The following NOTCH1 variants were observed in gnomAD, a reference collection of about 807,000 sequenced individuals.
The protein encoded by NOTCH1 is neurogenic locus notch homolog protein 1.
A neutral mutation model predicts 254.8 loss-of-function variants in NOTCH1; 37 were observed. The observed-to-expected ratio is 0.15, with a 90% CI of 0.11 to 0.19. NOTCH1 has a LOEUF of 0.19. Among genes scored for constraint, NOTCH1 ranks in the 10% least tolerant of loss-of-function variants. The pLI is 1.00. For missense variants in NOTCH1, 2,972 were observed against 3,708.6 expected, an observed-to-expected ratio of 0.80 and a Z score of 5.16; for synonymous variants, 1,731 against 1,618.1, an observed-to-expected ratio of 1.07 and a Z score of -1.68.
At chr9:136,529,083 C>T (rs1042337238) in intron 2 of NOTCH1, among the ~76,000 whole-genome samples, 25 of 152,198 alleles carry the variant, frequency 1.6e-4, no homozygotes, top group South Asian at 4.1e-4. Flanking sequence ...CAGATCCTGC[C>T]GTGCTCTGCT....
rs200816814 is a variant in NOTCH1, at chr9:136,513,527, C to T, written c.2218G>A (p.Asp740Asn). 3.2e-5 allele frequency: 51 copies of T among 1,612,922 alleles called. No individual in the cohort carries two copies. The Admixed American group carries it at 5.2e-4, about 16-fold the overall frequency. Residue 740 changes from aspartate (D) to asparagine (N), a missense_variant, in exon 14 of 34, where the codon GAC becomes AAC. Physicochemically the swap from Asp to Asn is conservative, Grantham distance 23. Around this residue, in one of 8 missense-constraint regions of NOTCH1, gnomAD observed 1,343 missense variants for 1,557.0 expected, o/e 0.86. Transcript: ENST00000651671. This position sits in a 1 kb window ranked among gnomAD's most constrained non-coding sequence, Gnocchi z 4.7. The part of the protein sequence containing the change: ...CRDSLNGYKC[D>N]CDPGWSGTNC... ...GTCCCACTCCACCCAGGGTCACAGT[C>T]GCACTTGTACCTGCAAGGGGGACCA...
chr9:136,528,147 G>A (rs1843498207), intron 2 of NOTCH1, among the ~76,000 whole-genome samples: 1 of 151,218 alleles, frequency 6.6e-6, no homozygotes, highest in South Asian at 2.1e-4. Context: ...CTCAGTGCGG[G>A]TAGGACTCAC....
At position 136,503,380 on chromosome 9, in the gene NOTCH1, C is replaced by G. The variant is rs373237685; in HGVS notation, c.5019-50G>C. 9 of 1,610,840 alleles carry G rather than the reference C, an allele frequency of 5.6e-6. No individual in the cohort carries two copies. In the African/African-American group the frequency reaches 6.7e-5, roughly 12 times the overall value. ...TGGGACCCGAGGCTTCCTCCTCCCC[C>G]GCCCACCGGCCAGGGATGCTGCCGC... On this transcript the variant is annotated intron_variant, in intron 26 of 33. Coordinates refer to ENST00000651671, the MANE Select transcript of NOTCH1 (RefSeq NM_017617.5).
chr9:136,527,269 A>G (rs1297731500), intron 2 of NOTCH1, among the ~76,000 whole-genome samples: 1 of 152,096 alleles, frequency 6.6e-6, no homozygotes, highest in Non-Finnish European at 1.5e-5. Flanking sequence ...GGTGGGAGGG[A>G]CCTCAGGCCT....
In NOTCH1 at chr9:136,495,836, A is replaced by G; in HGVS notation, c.*235T>C. 2.0e-6 allele frequency: 1 copy of G among 488,128 alleles called. No homozygotes were observed. Among genetic ancestry groups the G allele is most frequent in the East Asian group, 3.0e-5 (1 of 32,928 alleles). The allele number at this position is 488,128 out of a possible 1,614,324, so 30.2% of individuals were successfully genotyped here. A position where few individuals can be genotyped will look rare whatever the true frequency, so the allele number is the denominator to read the frequency against. On this transcript the variant is annotated 3_prime_UTR_variant, in exon 34 of 34. Coordinates refer to ENST00000651671, the MANE Select transcript of NOTCH1 (RefSeq NM_017617.5). ...GAACTTGCTTGTTTTCTCAGAATAGATAAAAGTTTCTACCTGGGGCCAGAT... is the reference window on the plus strand; with the variant it reads ...GAACTTGCTTGTTTTCTCAGAATAGGTAAAAGTTTCTACCTGGGGCCAGAT...
intron 31 of NOTCH1, 109 bp from the exon 32 acceptor site, chr9:136,499,368 G>C: frequency 6.8e-7 from 1 of 1,472,198 alleles, no homozygotes; most frequent in Non-Finnish European, 9.2e-7. Flanking sequence ...GGACACAGAC[G>C]AGACCCTCCT....
intron 2 of NOTCH1, among the ~76,000 whole-genome samples, chr9:136,524,539 C>T (rs1188312825): frequency 3.3e-5 from 5 of 152,172 alleles, no homozygotes; most frequent in Admixed American, 3.3e-4. Flanking sequence ...TGGGCAGTAA[C>T]AAAGGCCGTG....
chr9:136,509,322 G>T lies in NOTCH1; in HGVS notation c.2970-251C>A, dbSNP rs373785187. Among the ~76,000 whole-genome samples the T allele has an allele frequency of 1.7e-4, 26 of 152,318 alleles. No homozygotes were observed. In the East Asian group the frequency reaches 3.7e-3, roughly 21 times the overall value. On this transcript the variant is annotated intron_variant, in intron 18 of 33. Coordinates refer to ENST00000651671, the MANE Select transcript of NOTCH1 (RefSeq NM_017617.5). ...GAGAGTGGTTTTACCAAACGCGTGGGCATAGGGTGGTTAAAGTAAATGAGG... is the reference window on the plus strand; with the variant it reads ...GAGAGTGGTTTTACCAAACGCGTGGTCATAGGGTGGTTAAAGTAAATGAGG...
At chr9:136,541,412 G>C (rs1044663101) in intron 2 of NOTCH1, among the ~76,000 whole-genome samples, 1 of 152,178 alleles carries the variant, frequency 6.6e-6, no homozygotes, top group Non-Finnish European at 1.5e-5. Flanking sequence ...CTTCTACAGC[G>C]GAGGCAGCAA....
At chr9:136,507,157 G>A (rs1843101818) in intron 22 of NOTCH1, 148 bp downstream of exon 22, 2 of 1,488,940 alleles carry the variant, frequency 1.3e-6, no homozygotes, top group South Asian at 1.2e-5. Context: ...CCTTTCCCTG[G>A]GCAGCTGTGA....
chr9:136,530,444 T>C (rs1486113896), intron 2 of NOTCH1, among the ~76,000 whole-genome samples: 1 of 152,172 alleles, frequency 6.6e-6, no homozygotes, highest in African/African-American at 2.4e-5. Context: ...TGGGAACGGC[T>C]GTCTGCATCT....
Position 136,507,379 on chromosome 9 carries a change from T to C in NOTCH1, c.3569A>G (p.His1190Arg), listed in dbSNP as rs775438678. The C allele has an allele frequency of 1.5e-5, 24 of 1,610,766 alleles. No homozygotes were observed. The highest frequency in any genetic ancestry group is 1.8e-5 in the Non-Finnish European group (21 of 1,179,208). The change falls in exon 22 of 34, where the codon CAC (histidine) becomes CGC (arginine). Residue 1190 changes from histidine (H) to arginine (R), a missense_variant. This residue lies in a region of NOTCH1 where 1,343 missense variants were observed against 1,557.0 expected (regional missense o/e 0.86). Coordinates refer to ENST00000651671, the MANE Select transcript of NOTCH1 (RefSeq NM_017617.5). Reference protein sequence around the residue: ...CSEEIDECLSHPCQNGGTCLD... With the variant: ...CSEEIDECLSRPCQNGGTCLD... The stretch of plus-strand genomic sequence containing the variant: ...GCAGGTGCCCCCGTTCTGGCAGGGG[T>C]GGGAGAGGCACTCGTCGATCTCCTC...
chr9:136,511,901 G>A (rs3124601), intron 15 of NOTCH1, among the ~76,000 whole-genome samples: 11,929 of 152,288 alleles, frequency 0.078, 1,218 homozygotes, highest in East Asian at 0.54. Flanking sequence ...GTGCACAGCC[G>A]AGGGCCTTTT....
chr9:136,512,169 G>C (rs1843191657), intron 15 of NOTCH1, among the ~76,000 whole-genome samples: 1 of 152,248 alleles, frequency 6.6e-6, no homozygotes, highest in Admixed American at 6.5e-5. Flanking sequence ...GTCTGAAAGG[G>C]ACAGGGGCGC....
chr9:136,520,869 C>T (rs1259835624), intron 4 of NOTCH1, among the ~76,000 whole-genome samples: 1 of 152,220 alleles, frequency 6.6e-6, no homozygotes, highest in Non-Finnish European at 1.5e-5. Context: ...AAAGCACTGG[C>T]TGAGGCACAC....
At chr9:136,508,828 C>G (rs11145765) in intron 19 of NOTCH1, 42 bp downstream of exon 19, 2 of 1,516,934 alleles carry the variant, frequency 1.3e-6, no homozygotes, top group Non-Finnish European at 1.8e-6. Flanking sequence ...GGCACCCACC[C>G]AGGGCCCCTC....
chr9:136,502,108 G>A lies in NOTCH1; in HGVS notation c.5385-20C>T, dbSNP rs2133330257. ...AGGGGCCTGGGGGGTGAGGGGTCGA[G>A]AAGTGAGGCTGAGCGAGCTCCCTAG... is the stretch of plus-strand genomic sequence containing the variant. On this transcript the variant is annotated intron_variant, in intron 28 of 33. Coordinates refer to ENST00000651671, the MANE Select transcript of NOTCH1 (RefSeq NM_017617.5). The A allele has an allele frequency of 1.9e-6, 3 of 1,612,416 alleles. No individual in the cohort carries two copies. Among genetic ancestry groups the A allele is most frequent in the Non-Finnish European group, 2.5e-6 (3 of 1,179,814 alleles).
chr9:136,512,932 C>T, intron 15 of NOTCH1, 89 bp downstream of exon 15: 1 of 389,808 alleles, frequency 2.6e-6, no homozygotes. Context: ...CCCACCCTCT[C>T]CAGCACAGGC....
chr9:136,514,384 G>T, intron 13 of NOTCH1, 126 bp downstream of exon 13: 2 of 1,055,934 alleles, frequency 1.9e-6, no homozygotes, highest in Non-Finnish European at 2.8e-6. Flanking sequence ...GGAGCTCCCT[G>T]CCACCCAGCC....
Sources: gnomAD v4.1 joint callset for allele counts (sites outside exome capture counted in the v4.1 genomes callset) on GRCh38, gnomAD v4.1.1 for gene constraint, gnomAD v4.1.1 regional missense constraint, Gnocchi (gnomAD v3.1) non-coding constraint, MANE v1.5 for transcripts, NCBI Gene and HGNC (gene_info 2026-07-23, HGNC 2026-07-21) for gene names.